The following PLCXD3 variants were observed in gnomAD, a reference collection of about 807,000 sequenced individuals.
PLCXD3 encodes the protein phosphatidylinositol specific phospholipase C X domain containing 3.
PLCXD3 carries 19 observed loss-of-function variants against 25.5 expected under a neutral mutation model. That is an observed-to-expected ratio of 0.75 (90% CI 0.52 to 1.09). The LOEUF (loss-of-function observed/expected upper bound fraction) is 1.09, where lower values mean the gene tolerates loss of function less well. Among genes scored for constraint, PLCXD3 ranks in the 50% least tolerant of loss-of-function variants. PLCXD3 has a pLI of 0.00. For synonymous variants in PLCXD3, 174 were observed against 137.6 expected (o/e 1.26, Z -1.85); for missense variants, 411 against 388.1 (o/e 1.06, Z -0.50).
chr5:41,347,352 T>C (rs2150479742), intron 2 of PLCXD3, among the ~76,000 whole-genome samples: 1 of 152,366 alleles, frequency 6.6e-6, no homozygotes, highest in South Asian at 2.1e-4. Context: ...GCAAGGCTTG[T>C]CACTTAGTAG....
At chr5:41,478,194 T>C (rs893008661) in intron 1 of PLCXD3, among the ~76,000 whole-genome samples, 1 of 152,228 alleles carries the variant, frequency 6.6e-6, no homozygotes, top group Non-Finnish European at 1.5e-5. Flanking sequence ...ACCAAAGCGC[T>C]GGGTTGTTAG....
At position 41,400,955 on chromosome 5, in the gene PLCXD3, C is replaced by T. The variant is rs188304705; in HGVS notation, c.104-18421G>A. Among the ~76,000 whole-genome samples the T allele has an allele frequency of 3.9e-3, 597 of 151,670 alleles. 5 individuals carry two copies. Among genetic ancestry groups the T allele is most frequent in the African/African-American group, 0.014 (577 of 41,410 alleles). On this transcript the variant is annotated intron_variant, in intron 1 of 2. Transcript: ENST00000377801. ...GTGTGTATCAAAACATCTCATGTAC[C>T]CCATAAATCTACATACCTATTATGT... is the stretch of plus-strand genomic sequence containing the variant.
chr5:41,490,775 G>T (rs1369471470), intron 1 of PLCXD3, among the ~76,000 whole-genome samples: 2 of 152,128 alleles, frequency 1.3e-5, no homozygotes, highest in Non-Finnish European at 2.9e-5. Flanking sequence ...GGGATCGGTG[G>T]TGATATCCCC....
chr5:41,399,478 T>A (rs111500948), intron 1 of PLCXD3, among the ~76,000 whole-genome samples: 5,818 of 152,154 alleles, frequency 0.038, 373 homozygotes, highest in African/African-American at 0.13. Flanking sequence ...AACAGCATGG[T>A]ACTGACATAA....
At chr5:41,373,948 C>T (rs1745202862) in intron 2 of PLCXD3, among the ~76,000 whole-genome samples, 1 of 152,042 alleles carries the variant, frequency 6.6e-6, no homozygotes, top group African/African-American at 2.4e-5. Context: ...AAGCTGAGTG[C>T]TACTTTTTGG....
At chr5:41,507,698 G>A (rs1313908655) in intron 1 of PLCXD3, among the ~76,000 whole-genome samples, 1 of 152,168 alleles carries the variant, frequency 6.6e-6, no homozygotes, top group Non-Finnish European at 1.5e-5. Flanking sequence ...CTTTACCTAA[G>A]ACAACCTGAA....
intron 1 of PLCXD3, among the ~76,000 whole-genome samples, chr5:41,423,160 CCTAT>C (rs1561268992): frequency 1.3e-5 from 2 of 151,876 alleles, no homozygotes; most frequent in African/African-American, 2.4e-5. Context: ...TCGCAGAAGC[CCTAT>C]CTGACTTTGA....
At chr5:41,366,023 A>G (rs1431675758) in intron 2 of PLCXD3, among the ~76,000 whole-genome samples, 1 of 151,852 alleles carries the variant, frequency 6.6e-6, no homozygotes, top group Non-Finnish European at 1.5e-5. Context: ...TACATGTGCC[A>G]TGTTGGTGTG....
intron 1 of PLCXD3, among the ~76,000 whole-genome samples, chr5:41,492,400 A>T (rs1211805678): frequency 6.6e-6 from 1 of 151,882 alleles, no homozygotes; most frequent in African/African-American, 2.4e-5. Flanking sequence ...GGTGAATCTG[A>T]CAATTATGTG....
intron 1 of PLCXD3, among the ~76,000 whole-genome samples, chr5:41,399,519 A>G (rs995466753): frequency 2.0e-5 from 3 of 152,144 alleles, no homozygotes; most frequent in South Asian, 4.1e-4. Flanking sequence ...AGAACAAAAT[A>G]GAGAACCCAG....
chr5:41,472,848 T>C (rs1748195304), intron 1 of PLCXD3, among the ~76,000 whole-genome samples: 1 of 152,174 alleles, frequency 6.6e-6, no homozygotes, highest in African/African-American at 2.4e-5. Flanking sequence ...AAATCTTAAG[T>C]TATAGCTCCA....
chr5:41,397,007 G>C (rs994801543), intron 1 of PLCXD3, among the ~76,000 whole-genome samples: 13 of 152,174 alleles, frequency 8.5e-5, no homozygotes, highest in African/African-American at 3.1e-4. Context: ...ACATTTAAAA[G>C]GAATGCAGAT....
intron 1 of PLCXD3, among the ~76,000 whole-genome samples, chr5:41,408,407 A>C (rs999722871): frequency 1.7e-4 from 26 of 152,292 alleles, no homozygotes; most frequent in Middle Eastern, 3.4e-3. Flanking sequence ...ATATGCATAT[A>C]CACAAACACA....
chr5:41,368,450 C>T (rs906367101), intron 2 of PLCXD3, among the ~76,000 whole-genome samples: 1 of 152,112 alleles, frequency 6.6e-6, no homozygotes, highest in African/African-American at 2.4e-5. Flanking sequence ...GACAATGGGG[C>T]TTTCTAGATA....
At chr5:41,341,809 C>T (rs1744156974) in intron 2 of PLCXD3, among the ~76,000 whole-genome samples, 2 of 152,144 alleles carry the variant, frequency 1.3e-5, no homozygotes, top group South Asian at 4.1e-4. Context: ...TGAAAGTTGT[C>T]ATCTAGTTAT....
intron 1 of PLCXD3, among the ~76,000 whole-genome samples, chr5:41,401,450 CTG>C (rs2150499864): frequency 6.6e-6 from 1 of 152,124 alleles, no homozygotes; most frequent in African/African-American, 2.4e-5. Flanking sequence ...GTTGAAAAAA[CTG>C]TCTTTTCTTC....
intron 1 of PLCXD3, among the ~76,000 whole-genome samples, chr5:41,397,371 C>T (rs745478980): frequency 2.6e-5 from 4 of 152,178 alleles, no homozygotes; most frequent in Non-Finnish European, 4.4e-5. Flanking sequence ...AGCCCCAAGC[C>T]TTGGTGGCTT....
chr5:41,373,034 TCAAAA>T (rs980289016), intron 2 of PLCXD3, among the ~76,000 whole-genome samples: 1 of 151,934 alleles, frequency 6.6e-6, no homozygotes, highest in Non-Finnish European at 1.5e-5. Flanking sequence ...ACAGGCTGTC[TCAAAA>T]CAAAACAAAA....
chr5:41,377,307 AAC>A (rs1425873381), intron 2 of PLCXD3, among the ~76,000 whole-genome samples: 2 of 151,684 alleles, frequency 1.3e-5, no homozygotes, highest in African/African-American at 4.8e-5. Flanking sequence ...CCCTAATAAT[AAC>A]AGTTATTATT....
Sources: allele counts gnomAD v4.1 joint callset (sites outside exome capture counted in the v4.1 genomes callset), GRCh38; gene constraint gnomAD v4.1.1; transcripts MANE v1.5; gene names NCBI Gene and HGNC (gene_info 2026-07-23, HGNC 2026-07-21).